CHCT1: variants seen among roughly 807,000 people sequenced by gnomAD.
CHCT1 encodes CHD1 helical C-terminal domain containing 1, also known as CHD1 helical C-terminal domain containing protein 1.
the CHCT1 span, among the ~76,000 whole-genome samples, chr17:60,425,477 A>G: frequency 2.0e-5 from 3 of 152,234 alleles, no homozygotes; most frequent in Non-Finnish European, 4.4e-5. Context: ...TCCTATAACA[A>G]CATCTAACCT....
At chr17:60,429,442 A>T in the CHCT1 span, 1 of 1,614,238 alleles carries the variant, frequency 6.2e-7, no homozygotes, top group South Asian at 1.1e-5. Context: ...TCTGCCATGC[A>T]TGGGGGCTGC....
At chr17:60,428,526 C>T in the CHCT1 span, among the ~76,000 whole-genome samples, 2 of 148,546 alleles carry the variant, frequency 1.3e-5, no homozygotes, top group African/African-American at 2.5e-5. Flanking sequence ...TTGCTCTTGT[C>T]CCCCAGGCTG....
chr17:60,428,905 ATT>A, the CHCT1 span, among the ~76,000 whole-genome samples: 5 of 125,140 alleles, frequency 4.0e-5, no homozygotes, highest in African/African-American at 2.9e-5. Flanking sequence ...AAAGGCTCCC[ATT>A]TTTTTTTTTT....
the CHCT1 span, chr17:60,421,437 C>G: frequency 2.0e-6 from 2 of 985,566 alleles, no homozygotes; most frequent in Non-Finnish European, 2.4e-6. Flanking sequence ...AGGCCCGGGC[C>G]GACGGCGGTC....
the CHCT1 span, chr17:60,426,415 A>G: frequency 1.4e-6 from 2 of 1,384,108 alleles, no homozygotes; most frequent in East Asian, 2.5e-5. Flanking sequence ...ACCTTAGTCA[A>G]TCCCCCAGTC....
chr17:60,426,900 AC>A, the CHCT1 span: 1 of 1,535,876 alleles, frequency 6.5e-7, no homozygotes, highest in Non-Finnish European at 8.7e-7. Context: ...TGGGATTGAC[AC>A]ACCCAGAGCC....
chr17:60,425,933 A>G, the CHCT1 span: 3 of 1,466,262 alleles, frequency 2.0e-6, no homozygotes, highest in Non-Finnish European at 1.9e-6. Flanking sequence ...CCCATTGGTC[A>G]GGAGGCCTGA....
chr17:60,426,196 G>A, the CHCT1 span: 1 of 1,551,666 alleles, frequency 6.4e-7, no homozygotes, highest in African/African-American at 1.4e-5. Context: ...AGAAGTTCCT[G>A]CGAAAGTTGC....
the CHCT1 span, among the ~76,000 whole-genome samples, chr17:60,428,239 T>C: frequency 6.6e-6 from 1 of 152,180 alleles, no homozygotes; most frequent in Non-Finnish European, 1.5e-5. Context: ...AGGTAATTTG[T>C]CGCAGTCTTT....
the CHCT1 span, chr17:60,422,547 G>A: frequency 1.3e-6 from 2 of 1,548,788 alleles, no homozygotes; most frequent in Non-Finnish European, 1.7e-6. Flanking sequence ...AAGCCAGAGG[G>A]GACGTGGGGA....
At chr17:60,422,497 C>G in the CHCT1 span, 2 of 1,538,604 alleles carry the variant, frequency 1.3e-6, no homozygotes, top group African/African-American at 2.7e-5. Flanking sequence ...CCAAACCGCC[C>G]ACTCCCTGAG....
the CHCT1 span, chr17:60,421,896 G>T: frequency 7.1e-6 from 7 of 985,402 alleles, no homozygotes; most frequent in African/African-American, 5.2e-5. Context: ...AGCGCCTCCT[G>T]TGTGAAGCGG....
the CHCT1 span, among the ~76,000 whole-genome samples, chr17:60,424,319 A>T: frequency 3.3e-5 from 5 of 152,334 alleles, no homozygotes; most frequent in South Asian, 6.2e-4. Context: ...GCCCAGTCTG[A>T]TGCAGTCAGT....
chr17:60,429,673 G>C, the CHCT1 span: 1 of 948,346 alleles, frequency 1.1e-6, no homozygotes, highest in African/African-American at 1.6e-5. Flanking sequence ...AGCCTGACAA[G>C]CTCCTCTTCC....
chr17:60,426,084 T>C, the CHCT1 span: 1 of 1,455,188 alleles, frequency 6.9e-7, no homozygotes, highest in Non-Finnish European at 9.3e-7. Context: ...GCCAGACCGG[T>C]GTGCTGGATA....
the CHCT1 span, chr17:60,421,781 G>C: frequency 2.2e-6 from 2 of 928,986 alleles, no homozygotes; most frequent in Non-Finnish European, 2.6e-6. Flanking sequence ...GTCCCTGGAG[G>C]GCTCGCGGGT....
the CHCT1 span, chr17:60,431,172 C>G: frequency 2.0e-5 from 31 of 1,579,078 alleles, no homozygotes; most frequent in Non-Finnish European, 2.5e-5. Flanking sequence ...CTGACCTTCT[C>G]TTTTTCAGAT....
the CHCT1 span, among the ~76,000 whole-genome samples, chr17:60,423,224 C>T: frequency 2.0e-5 from 3 of 151,164 alleles, no homozygotes; most frequent in African/African-American, 7.3e-5. Flanking sequence ...CAGAGTCTCA[C>T]TCTGTCACCT....
the CHCT1 span, chr17:60,426,391 T>C: frequency 6.8e-7 from 1 of 1,467,480 alleles, no homozygotes; most frequent in Non-Finnish European, 9.1e-7. Flanking sequence ...AACCCCCTCT[T>C]CATTCAAGGG....
Sources: gnomAD v4.1 joint callset for allele counts (sites outside exome capture counted in the v4.1 genomes callset) on GRCh38, gnomAD v4.1.1 for gene constraint, MANE v1.5 for transcripts, NCBI Gene and HGNC (gene_info 2026-07-23, HGNC 2026-07-21) for gene names.